The following EPHB1 variants were observed in gnomAD, a reference collection of about 807,000 sequenced individuals.
EPHB1 encodes ephrin type-B receptor 1.
In EPHB1, 30 loss-of-function variants were observed where a neutral mutation model predicts 94.4. That is an observed-to-expected ratio of 0.32 (90% confidence interval 0.24 to 0.43). The LOEUF is 0.43. EPHB1 is among the 20% of genes least tolerant of loss of function. The probability of loss-of-function intolerance (pLI) is 1.00; values close to 1 mark genes in which losing one functional copy is unlikely to be tolerated. For synonymous variants in EPHB1, 522 were observed against 489.1 expected (o/e 1.07, Z -0.89); for missense variants, 1,055 against 1,308.3 (o/e 0.81, Z 2.99).
At position 135,005,020 on chromosome 3, in the gene EPHB1, A is replaced by G. The variant is rs937812819; in HGVS notation, c.805+52968A>G. On this transcript the variant is annotated intron_variant, in intron 3 of 15. Coordinates refer to ENST00000398015, the MANE Select transcript of EPHB1 (RefSeq NM_004441.5). The stretch of plus-strand genomic sequence containing the variant: ...CTGGTGAGGAGCTGCGTTCCTTTGC[A>G]GGAGGAGAGGCGCTCTGCTTTTTAG... 3.9e-5 allele frequency among the ~76,000 whole-genome samples: 6 copies of G among 152,326 alleles called. 1 individual carries two copies. Among genetic ancestry groups the G allele is most frequent in the Admixed American group, 1.3e-4 (2 of 15,302 alleles).
At chr3:135,078,177 C>T (rs1318445090) in intron 3 of EPHB1, among the ~76,000 whole-genome samples, 1 of 152,134 alleles carries the variant, frequency 6.6e-6, no homozygotes, top group Admixed American at 6.5e-5. Context: ...TCTTAAAGGC[C>T]CAGTGTGAGA....
intron 1 of EPHB1, among the ~76,000 whole-genome samples, chr3:134,815,215 C>T (rs1218694918): frequency 1.3e-5 from 2 of 152,048 alleles, no homozygotes; most frequent in African/African-American, 2.4e-5. Flanking sequence ...AGTATTATAA[C>T]AAAATGTTAA....
At chr3:135,203,642 G>A (rs1429063178) in intron 12 of EPHB1, among the ~76,000 whole-genome samples, 1 of 152,156 alleles carries the variant, frequency 6.6e-6, no homozygotes, top group Non-Finnish European at 1.5e-5. Context: ...GCCAGGTTTA[G>A]CTTTCAGACC....
intron 12 of EPHB1, among the ~76,000 whole-genome samples, chr3:135,239,132 C>A (rs1260807936): frequency 1.3e-5 from 2 of 152,192 alleles, no homozygotes; most frequent in African/African-American, 4.8e-5. Context: ...ACATCTCCCC[C>A]ACCACAAAAG....
At chr3:135,234,879 G>T (rs1203193014) in intron 12 of EPHB1, among the ~76,000 whole-genome samples, 2 of 152,172 alleles carry the variant, frequency 1.3e-5, no homozygotes, top group Non-Finnish European at 2.9e-5. Context: ...AATAAGTGGG[G>T]ATTAGGGGAA....
intron 11 of EPHB1, among the ~76,000 whole-genome samples, chr3:135,197,126 A>G (rs1228564730): frequency 6.6e-6 from 1 of 151,950 alleles, no homozygotes; most frequent in Non-Finnish European, 1.5e-5. Flanking sequence ...AGACAAAAAA[A>G]ATAATAATAA....
At chr3:135,116,043 G>A (rs777978008) in intron 4 of EPHB1, among the ~76,000 whole-genome samples, 10 of 151,996 alleles carry the variant, frequency 6.6e-5, no homozygotes, top group Admixed American at 1.3e-4. Context: ...GTGAAACCCC[G>A]TCTCTACTAA....
chr3:135,074,837 C>T (rs1937852712), intron 3 of EPHB1, among the ~76,000 whole-genome samples: 1 of 152,084 alleles, frequency 6.6e-6, no homozygotes, highest in South Asian at 2.1e-4. Flanking sequence ...TAAGTAAAGG[C>T]CATGTAAGCA....
chr3:135,132,834 A>G lies in EPHB1; in HGVS notation c.1082A>G (p.Lys361Arg). 6.2e-7 allele frequency: 1 copy of G among 1,614,030 alleles called. No individual in the cohort carries two copies. Among genetic ancestry groups the G allele is most frequent in the Non-Finnish European group, 8.5e-7 (1 of 1,179,900 alleles). The change falls in exon 5 of 16, where the codon AAA (lysine) becomes AGA (arginine). Residue 361 changes from lysine to arginine, a missense_variant. Transcript: ENST00000398015. Reference protein sequence around the residue: ...RDDVTYNIICKKCRADRRSCS... With the variant: ...RDDVTYNIICRKCRADRRSCS... ...GATGTGACCTACAACATCATCTGCA[A>G]AAAGTGCCGGGCAGACCGCCGGAGC...
chr3:135,186,741 C>G (rs116430605), intron 10 of EPHB1, among the ~76,000 whole-genome samples: 1 of 152,298 alleles, frequency 6.6e-6, no homozygotes, highest in East Asian at 1.9e-4. Context: ...GCATTTAATG[C>G]TGCTGAAGCA....
At chr3:135,204,394 TG>T (rs935364484) in intron 12 of EPHB1, among the ~76,000 whole-genome samples, 7 of 152,022 alleles carry the variant, frequency 4.6e-5, no homozygotes, top group African/African-American at 1.7e-4. Context: ...TCAGTAGAGA[TG>T]GGTTTTCGCC....
At chr3:135,099,326 TGGATGGAC>T (rs58407581) in intron 3 of EPHB1, among the ~76,000 whole-genome samples, 33,788 of 143,456 alleles carry the variant, frequency 0.24, 4,147 homozygotes, top group Non-Finnish European at 0.29. Flanking sequence ...GATGGACGGA[TGGATGGAC>T]GGATGGATGG....
chr3:135,166,001 C>A lies in EPHB1; in HGVS notation c.1619C>A (p.Pro540His), dbSNP rs1397136912. 6.2e-7 allele frequency: 1 copy of A among 1,613,960 alleles called. No individual in the cohort carries two copies. The highest frequency in any genetic ancestry group is 1.7e-5 in the Admixed American group (1 of 60,024). Reference protein sequence around the residue: ...DYKSELREQLPLIAGSAAAGV... With the variant: ...DYKSELREQLHLIAGSAAAGV... ...AAGTCAGAGCTGAGGGAGCAGCTGCCCCTGATTGCTGGCTCGGCAGCGGCC... is the reference window on the plus strand; with the variant it reads ...AAGTCAGAGCTGAGGGAGCAGCTGCACCTGATTGCTGGCTCGGCAGCGGCC... Residue 540 changes from proline to histidine, a missense_variant, in exon 8 of 16, where the codon CCC becomes CAC. Transcript: ENST00000398015.
Position 134,889,284 on chromosome 3 carries a change from C to CT in EPHB1, c.59-36522dup, listed in dbSNP as rs151337998. 3.0e-3 allele frequency among the ~76,000 whole-genome samples: 450 copies of CT among 148,660 alleles called. 1 individual carries two copies. Among genetic ancestry groups the CT allele is most frequent in the African/African-American group, 0.01 (407 of 40,552 alleles). On this transcript the variant is annotated intron_variant, in intron 1 of 15. Transcript: ENST00000398015. ...GTGATTACAAACCAAGAAAGTATCT[C>CT]TTTTTTTTTTAGTAGATTGCAAATT...
intron 1 of EPHB1, among the ~76,000 whole-genome samples, chr3:134,908,601 G>A (rs1332028669): frequency 6.6e-6 from 1 of 152,156 alleles, no homozygotes; most frequent in Non-Finnish European, 1.5e-5. Context: ...GCTGGGAAAG[G>A]CCTGATATAT....
intron 1 of EPHB1, among the ~76,000 whole-genome samples, chr3:134,861,677 G>A (rs969024819): frequency 6.6e-6 from 1 of 152,120 alleles, no homozygotes; most frequent in Admixed American, 6.6e-5. Context: ...CCACAGAGGT[G>A]GGAAAATGTG....
At chr3:135,144,983 T>C (rs189272323) in intron 5 of EPHB1, among the ~76,000 whole-genome samples, 5 of 152,334 alleles carry the variant, frequency 3.3e-5, no homozygotes, top group Admixed American at 3.3e-4. Context: ...AGAAGAATAA[T>C]TAATTCTGCT....
intron 3 of EPHB1, 21 bp from the exon 4 acceptor site, chr3:135,106,427 C>G (rs375467924): frequency 5.3e-5 from 86 of 1,613,178 alleles, no homozygotes; most frequent in Non-Finnish European, 5.9e-5. Context: ...TTAATTATCA[C>G]ATGGTCTCTT....
intron 3 of EPHB1, among the ~76,000 whole-genome samples, chr3:135,091,224 G>T (rs1938540056): frequency 6.6e-6 from 1 of 152,176 alleles, no homozygotes; most frequent in Non-Finnish European, 1.5e-5. Context: ...AGTTGGGATG[G>T]GGGTGGGGGT....
Sources: gnomAD v4.1 joint callset for allele counts (sites outside exome capture counted in the v4.1 genomes callset) on GRCh38, gnomAD v4.1.1 for gene constraint, MANE v1.5 for transcripts, NCBI Gene and HGNC (gene_info 2026-07-23, HGNC 2026-07-21) for gene names.